Variants in GAB2 observed in about 807,000 individuals in gnomAD.
GAB2 encodes GRB2 associated binding protein 2, also known as GRB2-associated-binding protein 2.
Under a neutral mutation model 65.5 loss-of-function variants are expected in GAB2, and 26 were observed. The observed-to-expected ratio is 0.40, with a 90% CI of 0.29 to 0.55. The LOEUF (loss-of-function observed/expected upper bound fraction) is 0.55. GAB2 is among the 20% of genes least tolerant of loss of function. The probability of loss-of-function intolerance (pLI) is 0.53; values close to 1 mark genes in which losing one functional copy is unlikely to be tolerated. For missense variants in GAB2, 884 were observed against 875.8 expected (o/e 1.01, Z -0.12); for synonymous variants, 321 against 329.6 (o/e 0.97, Z 0.28).
At chr11:78,323,790 C>T (rs371306984) in intron 1 of GAB2, among the ~76,000 whole-genome samples, 11 of 77,256 alleles carry the variant, frequency 1.4e-4, no homozygotes, top group Non-Finnish European at 1.7e-4. Context: ...CTGAATCTTT[C>T]TTTTTTTTTT....
intron 1 of GAB2, among the ~76,000 whole-genome samples, chr11:78,314,995 T>C (rs912062617): frequency 3.3e-5 from 5 of 152,120 alleles, no homozygotes; most frequent in Non-Finnish European, 7.3e-5. Context: ...AGCTTCACAG[T>C]GGCAGCGAGG....
intron 1 of GAB2, among the ~76,000 whole-genome samples, chr11:78,415,607 A>G (rs1053805496): frequency 2.6e-5 from 4 of 152,214 alleles, no homozygotes; most frequent in Admixed American, 2.6e-4. Context: ...TCCTAACCTA[A>G]GAAAAGCTGT....
intron 1 of GAB2, among the ~76,000 whole-genome samples, chr11:78,330,826 T>C (rs924091851): frequency 1.3e-5 from 2 of 151,748 alleles, no homozygotes; most frequent in Non-Finnish European, 2.9e-5. Flanking sequence ...TGGAACACCC[T>C]ATGAAGTAGA....
At chr11:78,268,949 G>A (rs953009227) in intron 2 of GAB2, among the ~76,000 whole-genome samples, 8 of 152,092 alleles carry the variant, frequency 5.3e-5, no homozygotes, top group Non-Finnish European at 1.2e-4. Context: ...TGGATGACTA[G>A]AACCAGCTGT....
At chr11:78,359,328 T>C (rs183904350) in intron 1 of GAB2, among the ~76,000 whole-genome samples, 30 of 152,136 alleles carry the variant, frequency 2.0e-4, no homozygotes, top group Non-Finnish European at 3.4e-4. Flanking sequence ...AAGAAGACAT[T>C]AAAAGAGAAA....
chr11:78,367,511 G>A (rs1156701730), intron 1 of GAB2, among the ~76,000 whole-genome samples: 1 of 152,196 alleles, frequency 6.6e-6, no homozygotes, highest in East Asian at 1.9e-4. Context: ...ACATTTTACG[G>A]ATTTTATGTA....
chr11:78,219,467 G>A, intron 9 of GAB2, 52 bp from the exon 10 acceptor site: 1 of 1,573,582 alleles, frequency 6.4e-7, no homozygotes, highest in South Asian at 1.1e-5. Flanking sequence ...CCAGTTAGGT[G>A]GGGAGGAAGA....
intron 1 of GAB2, among the ~76,000 whole-genome samples, chr11:78,339,579 A>G (rs1422502263): frequency 6.6e-6 from 1 of 152,192 alleles, no homozygotes; most frequent in Non-Finnish European, 1.5e-5. Flanking sequence ...TCAACTGTTG[A>G]CAGCTGTTAA....
chr11:78,232,075 G>C (rs1276910773), intron 3 of GAB2: 1 of 152,186 alleles, frequency 6.6e-6, no homozygotes, highest in African/African-American at 2.4e-5. Context: ...CAGGACTCTG[G>C]TTACAGAGCA....
At chr11:78,366,039 T>G (rs1038571373) in intron 1 of GAB2, among the ~76,000 whole-genome samples, 2 of 152,186 alleles carry the variant, frequency 1.3e-5, no homozygotes, top group African/African-American at 4.8e-5. Flanking sequence ...ATTTCAAAAT[T>G]AAATAAGACA....
At chr11:78,317,828 C>T (rs2134656216) in intron 1 of GAB2, among the ~76,000 whole-genome samples, 1 of 152,110 alleles carries the variant, frequency 6.6e-6, no homozygotes, top group African/African-American at 2.4e-5. Context: ...CTTTTCTTTT[C>T]TGGGCTTTGG....
intron 2 of GAB2, among the ~76,000 whole-genome samples, chr11:78,276,522 A>G (rs183449660): frequency 6.6e-6 from 1 of 152,224 alleles, no homozygotes; most frequent in Admixed American, 6.5e-5. Flanking sequence ...CCGTTATAGC[A>G]TGACTCTGTT....
At chr11:78,249,313 T>C (rs1435792880) in intron 3 of GAB2, among the ~76,000 whole-genome samples, 1 of 152,238 alleles carries the variant, frequency 6.6e-6, no homozygotes, top group East Asian at 1.9e-4. Context: ...AATACATTAG[T>C]ACAGCCATTT....
At chr11:78,315,591 T>C (rs1035592460) in intron 1 of GAB2, among the ~76,000 whole-genome samples, 1 of 152,186 alleles carries the variant, frequency 6.6e-6, no homozygotes, top group African/African-American at 2.4e-5. Flanking sequence ...AAAAAATGTT[T>C]CATGACAATG....
intron 1 of GAB2, chr11:78,324,828 A>AAGAT (rs1855793941): frequency 6.6e-6 from 1 of 152,218 alleles, no homozygotes; most frequent in Non-Finnish European, 1.5e-5. Context: ...CTCCCAAAGG[A>AAGAT]AGATGGTCAT....
At chr11:78,409,692 T>C (rs949169317) in intron 1 of GAB2, among the ~76,000 whole-genome samples, 2 of 152,140 alleles carry the variant, frequency 1.3e-5, no homozygotes, top group East Asian at 3.8e-4. Flanking sequence ...CCCCTGTCTC[T>C]CAACAATCGA....
chr11:78,341,482 G>A (rs537985498), intron 1 of GAB2, among the ~76,000 whole-genome samples: 1 of 152,196 alleles, frequency 6.6e-6, no homozygotes, highest in African/African-American at 2.4e-5. Flanking sequence ...CTTAGGTATA[G>A]TTTAAGTTCA....
chr11:78,262,441 T>C (rs2134547698), intron 2 of GAB2, among the ~76,000 whole-genome samples: 1 of 152,306 alleles, frequency 6.6e-6, no homozygotes, highest in Middle Eastern at 3.4e-3. Flanking sequence ...GGAGGTAACC[T>C]GGTGAGGGAA....
chr11:78,242,427 G>A (rs1865159870), intron 3 of GAB2, among the ~76,000 whole-genome samples: 1 of 152,068 alleles, frequency 6.6e-6, no homozygotes, highest in African/African-American at 2.4e-5. Context: ...GTGTGAACCT[G>A]GGAGGCAGAG....
Sources: gnomAD v4.1 joint callset for allele counts (sites outside exome capture counted in the v4.1 genomes callset) on GRCh38, gnomAD v4.1.1 for gene constraint, MANE v1.5 for transcripts, NCBI Gene and HGNC (gene_info 2026-07-23, HGNC 2026-07-21) for gene names.